The following CNTN5 variants were observed in gnomAD, a reference collection of about 807,000 sequenced individuals.
The protein encoded by CNTN5 is contactin 5.
Under a neutral mutation model 129.1 loss-of-function variants are expected in CNTN5, and 77 were observed. That is an observed-to-expected ratio of 0.60 (90% CI 0.50 to 0.72). The LOEUF (loss-of-function observed/expected upper bound fraction) is 0.72, where lower values mean the gene tolerates loss of function less well. Ranked by LOEUF, CNTN5 falls within the 30% of genes least tolerant of loss-of-function variation. CNTN5 has a pLI of 0.00. For synonymous variants in CNTN5, 509 were observed against 465.6 expected, an observed-to-expected ratio of 1.09 and a Z score of -1.20; for missense variants, 1,478 against 1,328.8, an observed-to-expected ratio of 1.11 and a Z score of -1.75.
chr11:99,429,114 A>G (rs1192930910), intron 2 of CNTN5, among the ~76,000 whole-genome samples: 1 of 152,182 alleles, frequency 6.6e-6, no homozygotes, highest in Non-Finnish European at 1.5e-5. Flanking sequence ...TTCTGAGGAC[A>G]TTTCTAATTT....
intron 18 of CNTN5, among the ~76,000 whole-genome samples, chr11:100,293,734 C>A (rs911860211): frequency 6.6e-6 from 1 of 151,694 alleles, no homozygotes; most frequent in African/African-American, 2.4e-5. Context: ...TTCTTACTCC[C>A]ACTTCTCACT....
At chr11:99,143,794 A>T (rs1859648146) in intron 1 of CNTN5, among the ~76,000 whole-genome samples, 2 of 152,156 alleles carry the variant, frequency 1.3e-5, no homozygotes, top group Admixed American at 1.3e-4. Context: ...TTGTTTTTCA[A>T]ACATAACACA....
At chr11:100,023,226 C>A (rs1231620500) in intron 9 of CNTN5, among the ~76,000 whole-genome samples, 1 of 152,162 alleles carries the variant, frequency 6.6e-6, no homozygotes, top group East Asian at 1.9e-4. Context: ...TTGATAGATT[C>A]TATTGCTGTA....
intron 2 of CNTN5, among the ~76,000 whole-genome samples, chr11:99,420,148 C>A (rs1281757809): frequency 6.6e-6 from 1 of 152,092 alleles, no homozygotes; most frequent in Admixed American, 6.6e-5. Flanking sequence ...GGCTGCAGAA[C>A]CGTGACTCCA....
chr11:99,287,631 T>C (rs1045660613), intron 1 of CNTN5, among the ~76,000 whole-genome samples: 3 of 152,104 alleles, frequency 2.0e-5, no homozygotes, highest in African/African-American at 7.2e-5. Context: ...TGAATTACTA[T>C]GAGGAATTTA....
At chr11:99,745,854 G>C (rs1430726196) in intron 3 of CNTN5, among the ~76,000 whole-genome samples, 3 of 152,048 alleles carry the variant, frequency 2.0e-5, no homozygotes, top group African/African-American at 7.2e-5. Context: ...AAGGAAGACA[G>C]TCAAATAAAC....
At chr11:99,242,018 A>G (rs1591406071) in intron 1 of CNTN5, among the ~76,000 whole-genome samples, 1 of 152,204 alleles carries the variant, frequency 6.6e-6, no homozygotes, top group Non-Finnish European at 1.5e-5. Flanking sequence ...TGGTAACACT[A>G]TAGTAAACCA....
chr11:99,339,529 C>T (rs1866410920), intron 2 of CNTN5, among the ~76,000 whole-genome samples: 1 of 152,082 alleles, frequency 6.6e-6, no homozygotes, highest in Non-Finnish European at 1.5e-5. Flanking sequence ...CCTGTAATCC[C>T]AGCACTTTGG....
chr11:99,726,525 A>T (rs940982923), intron 3 of CNTN5, among the ~76,000 whole-genome samples: 2 of 152,214 alleles, frequency 1.3e-5, no homozygotes, highest in African/African-American at 4.8e-5. Flanking sequence ...CTGTAAGCTA[A>T]ACTCTATGTA....
At chr11:100,260,432 C>T (rs1043383325) in intron 17 of CNTN5, among the ~76,000 whole-genome samples, 2 of 152,324 alleles carry the variant, frequency 1.3e-5, no homozygotes, top group South Asian at 2.1e-4. Context: ...GGACTCCTCC[C>T]TAACTCATTT....
intron 4 of CNTN5, among the ~76,000 whole-genome samples, chr11:99,820,531 C>T (rs1379103029): frequency 6.6e-6 from 1 of 152,300 alleles, no homozygotes; most frequent in Non-Finnish European, 1.5e-5. Context: ...TAGATGTTGT[C>T]TACCTTTGTC....
rs114300397 is a variant in CNTN5, at chr11:99,652,456, A to G, written c.55+96187A>G. On this transcript the variant is annotated intron_variant, in intron 3 of 24. Transcript: ENST00000524871. Reference sequence around the variant, plus strand: ...TCTATATGATTCAGAGGTTCTCCCAACATTTAAAAGGAACGCTTTATAAGA... The same window carrying G: ...TCTATATGATTCAGAGGTTCTCCCAGCATTTAAAAGGAACGCTTTATAAGA... 4.3e-3 allele frequency among the ~76,000 whole-genome samples: 656 copies of G among 152,164 alleles called. 4 individuals are homozygous for G. Among genetic ancestry groups the G allele is most frequent in the African/African-American group, 0.015 (621 of 41,556 alleles).
intron 1 of CNTN5, among the ~76,000 whole-genome samples, chr11:99,172,999 T>G (rs776489386): frequency 6.6e-6 from 1 of 152,184 alleles, no homozygotes; most frequent in Non-Finnish European, 1.5e-5. Context: ...GAGGCGCAAG[T>G]CACATCTTAT....
chr11:99,081,291 A>G lies in CNTN5; in HGVS notation c.-210+60021A>G, dbSNP rs543121140. Among the ~76,000 whole-genome samples, 12 of 152,256 alleles carry G rather than the reference A, an allele frequency of 7.9e-5. No homozygotes were observed. In the South Asian group the frequency reaches 2.5e-3, roughly 32 times the overall value. On this transcript the variant is annotated intron_variant, in intron 1 of 24. Transcript: ENST00000524871. ...TTTTTATTGAGTGGAACTCTTCACA[A>G]TTAACTGTGGAGCTGCAACCTCATT... is the stretch of plus-strand genomic sequence containing the variant.
chr11:100,130,874 G>C (rs886443905), intron 13 of CNTN5, among the ~76,000 whole-genome samples: 2 of 152,056 alleles, frequency 1.3e-5, no homozygotes, highest in Non-Finnish European at 2.9e-5. Flanking sequence ...ATGACTTATT[G>C]TTGACTGATT....
At chr11:99,845,968 G>T (rs118161039) in intron 6 of CNTN5, among the ~76,000 whole-genome samples, 1 of 151,820 alleles carries the variant, frequency 6.6e-6, no homozygotes, top group Non-Finnish European at 1.5e-5. Context: ...ATTTGCTATG[G>T]ATTTCTAAGA....
At position 99,219,329 on chromosome 11, in the gene CNTN5, C is replaced by T. The variant is rs117404342; in HGVS notation, c.-209-106017C>T. On this transcript the variant is annotated intron_variant, in intron 1 of 24. Transcript: ENST00000524871. ...AAAGTAAGAGAAAAAGTAAAGATTG[C>T]TAAAGAGGCTTAGAAATTCTGGCCA... 7.7e-4 allele frequency among the ~76,000 whole-genome samples: 117 copies of T among 151,802 alleles called. 3 individuals are homozygous for T. The East Asian group carries it at 0.016, about 21-fold the overall frequency.
In CNTN5 at chr11:99,137,661, A is replaced by G. The variant is rs561120140; in HGVS notation, c.-210+116391A>G. Among the ~76,000 whole-genome samples the G allele has an allele frequency of 2.0e-5, 3 of 152,282 alleles. No homozygotes were observed. In the East Asian group the frequency reaches 5.8e-4, roughly 29 times the overall value. On this transcript the variant is annotated intron_variant, in intron 1 of 24. Coordinates refer to ENST00000524871, the MANE Select transcript of CNTN5 (RefSeq NM_014361.4). ...TACATTGTATTACTCCTTAGCTTTC[A>G]CACATCATTTCCAGAAATAGTTTCA...
At chr11:99,901,980 A>C (rs1949369627) in intron 6 of CNTN5, among the ~76,000 whole-genome samples, 1 of 152,160 alleles carries the variant, frequency 6.6e-6, no homozygotes, top group Non-Finnish European at 1.5e-5. Flanking sequence ...AAGGAAATTG[A>C]GGTTTATCTA....
Sources: allele counts gnomAD v4.1 joint callset (sites outside exome capture counted in the v4.1 genomes callset), GRCh38; gene constraint gnomAD v4.1.1; transcripts MANE v1.5; gene names NCBI Gene and HGNC (gene_info 2026-07-23, HGNC 2026-07-21).